Variants in EIF4G3 observed in about 807,000 individuals in gnomAD.
EIF4G3 encodes the protein eukaryotic translation initiation factor 4 gamma 3.
A neutral mutation model predicts 186.4 loss-of-function variants in EIF4G3; 34 were observed. The ratio of observed to expected loss-of-function variants is 0.18; its 90% CI spans 0.14 to 0.24. The LOEUF (loss-of-function observed/expected upper bound fraction) is 0.24. EIF4G3 is among the 10% of genes least tolerant of loss of function. The pLI, the probability that EIF4G3 is intolerant of heterozygous loss-of-function variation, is 1.00. For synonymous variants in EIF4G3, 673 were observed against 679.5 expected (o/e 0.99, Z 0.15); for missense variants, 1,536 against 1,948.5 (o/e 0.79, Z 3.99).
At chr1:21,088,210 G>A (rs2096061708) in intron 3 of EIF4G3, among the ~76,000 whole-genome samples, 1 of 152,082 alleles carries the variant, frequency 6.6e-6, no homozygotes. Context: ...TGGATCACTT[G>A]AGGTCAGGAG....
intron 10 of EIF4G3, 75 bp downstream of exon 10, chr1:20,980,259 T>C (rs2077674914): frequency 9.3e-7 from 1 of 1,080,954 alleles, no homozygotes; most frequent in East Asian, 3.0e-5. Flanking sequence ...CCTCATTGTA[T>C]AAACCAACCC....
intron 4 of EIF4G3, among the ~76,000 whole-genome samples, chr1:21,036,203 C>T (rs1322333121): frequency 6.6e-6 from 1 of 151,986 alleles, no homozygotes; most frequent in Non-Finnish European, 1.5e-5. Context: ...ACGAGAGGAG[C>T]CACCCACTCT....
At chr1:21,067,604 TACC>T (rs1258719416) in intron 3 of EIF4G3, among the ~76,000 whole-genome samples, 1 of 152,140 alleles carries the variant, frequency 6.6e-6, no homozygotes, top group African/African-American at 2.4e-5. Context: ...TACAACTGAG[TACC>T]ACATGTATAA....
chr1:20,960,322 C>T (rs542082050), intron 12 of EIF4G3, among the ~76,000 whole-genome samples: 6 of 152,080 alleles, frequency 3.9e-5, no homozygotes, highest in East Asian at 1.9e-4. Flanking sequence ...AAAAATTAGC[C>T]GGGCATGGTG....
chr1:20,839,705 T>C (rs1199845492), intron 30 of EIF4G3, among the ~76,000 whole-genome samples: 1 of 150,734 alleles, frequency 6.6e-6, no homozygotes, highest in Non-Finnish European at 1.5e-5. Flanking sequence ...CCGTGGCTGG[T>C]TTCAGACTCC....
intron 18 of EIF4G3, among the ~76,000 whole-genome samples, chr1:20,890,673 C>T (rs1436518213): frequency 6.6e-6 from 1 of 152,160 alleles, no homozygotes; most frequent in African/African-American, 2.4e-5. Context: ...CCAGGCTGGT[C>T]TTGAACTCCG....
intron 2 of EIF4G3, among the ~76,000 whole-genome samples, chr1:21,135,207 T>G (rs1403148088): frequency 6.6e-6 from 1 of 152,110 alleles, no homozygotes; most frequent in Admixed American, 6.6e-5. Context: ...TTGTGAAAAT[T>G]AAACAGGGTA....
chr1:21,143,727 T>C (rs545897097), intron 2 of EIF4G3, among the ~76,000 whole-genome samples: 71 of 152,324 alleles, frequency 4.7e-4, no homozygotes, highest in Admixed American at 3.3e-3. Context: ...GGGACCAGGC[T>C]GGCCAACATG....
At chr1:21,145,617 T>C (rs764620307) in intron 2 of EIF4G3, among the ~76,000 whole-genome samples, 6 of 152,170 alleles carry the variant, frequency 3.9e-5, no homozygotes, top group African/African-American at 7.2e-5. Flanking sequence ...TAAAAACTTA[T>C]ATACATTGTG....
chr1:21,015,904 C>T lies in EIF4G3; in HGVS notation c.-66-13096G>A, dbSNP rs138134322. On this transcript the variant is annotated intron_variant, in intron 4 of 36. Transcript: ENST00000602326. ...GTTCATTACCATAAGACATGCCCTA[C>T]AAGAAATGACCAAAGATTCTTCAAA... 3.3e-5 allele frequency among the ~76,000 whole-genome samples: 5 copies of T among 152,040 alleles called. No individual in the cohort carries two copies. The East Asian group carries it at 9.7e-4, about 29-fold the overall frequency.
At chr1:20,852,105 G>A (rs1187851649) in intron 27 of EIF4G3, among the ~76,000 whole-genome samples, 2 of 152,170 alleles carry the variant, frequency 1.3e-5, no homozygotes, top group African/African-American at 4.8e-5. Flanking sequence ...GGAGTGCAAT[G>A]GCGTAATCTC....
At chr1:21,057,527 A>G (rs2094617653) in intron 3 of EIF4G3, among the ~76,000 whole-genome samples, 1 of 152,214 alleles carries the variant, frequency 6.6e-6, no homozygotes, top group South Asian at 2.1e-4. Flanking sequence ...TAAAAGGCAG[A>G]TAGTATTATT....
At chr1:20,834,824 CAT>C (rs1343488675) in intron 30 of EIF4G3, among the ~76,000 whole-genome samples, 1 of 152,200 alleles carries the variant, frequency 6.6e-6, no homozygotes, top group African/African-American at 2.4e-5. Context: ...ATGAACAACT[CAT>C]CTAGACAGAA....
At chr1:21,174,743 A>G (rs2098067173) in intron 2 of EIF4G3, 1 of 152,154 alleles carries the variant, frequency 6.6e-6, no homozygotes, top group African/African-American at 2.4e-5. Context: ...AGTTATCACC[A>G]CACTTTCTCA....
intron 34 of EIF4G3, among the ~76,000 whole-genome samples, chr1:20,814,446 T>G (rs1240483648): frequency 6.6e-6 from 1 of 152,228 alleles, no homozygotes; most frequent in African/African-American, 2.4e-5. Context: ...CTTGTACATT[T>G]GGAAGTATAA....
intron 2 of EIF4G3, among the ~76,000 whole-genome samples, chr1:21,106,355 A>G (rs915719705): frequency 1.3e-5 from 2 of 152,188 alleles, no homozygotes; most frequent in African/African-American, 4.8e-5. Flanking sequence ...GTGGCCTAGA[A>G]GACAGTAGGA....
chr1:21,168,105 T>C (rs2097889561), intron 2 of EIF4G3: 1 of 465,318 alleles, frequency 2.1e-6, no homozygotes, highest in Non-Finnish European at 4.4e-6. Flanking sequence ...AATAAAACTA[T>C]TCAAGAAGTA....
chr1:21,050,730 GAAAAGATGCC>G, intron 4 of EIF4G3, 126 bp downstream of exon 4: 1 of 578,338 alleles, frequency 1.7e-6, no homozygotes, highest in South Asian at 2.1e-5. Context: ...GGTTAAGTCT[GAAAAGATGCC>G]AAAGACAAAC....
intron 12 of EIF4G3, among the ~76,000 whole-genome samples, chr1:20,967,909 A>G (rs1322382704): frequency 6.6e-6 from 1 of 152,040 alleles, no homozygotes; most frequent in African/African-American, 2.4e-5. Flanking sequence ...GCAGCCCCCT[A>G]CTCCTTAATA....
Sources: allele counts gnomAD v4.1 joint callset (sites outside exome capture counted in the v4.1 genomes callset), GRCh38; gene constraint gnomAD v4.1.1; transcripts MANE v1.5; gene names NCBI Gene and HGNC (gene_info 2026-07-23, HGNC 2026-07-21).